ASTN2: variants seen among roughly 807,000 people sequenced by gnomAD.
ASTN2 encodes astrotactin 2, also known as astrotactin-2.
In ASTN2, 54 loss-of-function variants were observed where a neutral mutation model predicts 139.8. The observed-to-expected ratio is 0.39, with a 90% CI of 0.31 to 0.48. ASTN2 has a LOEUF of 0.48. ASTN2 is among the 20% of genes least tolerant of loss of function. ASTN2 has a pLI of 0.95. For missense variants in ASTN2, 1,565 were observed against 1,725.1 expected (o/e 0.91, Z 1.64); for synonymous variants, 756 against 719.5 (o/e 1.05, Z -0.81).
intron 5 of ASTN2, among the ~76,000 whole-genome samples, chr9:117,058,374 G>A (rs1266775681): frequency 6.6e-6 from 1 of 152,144 alleles, no homozygotes; most frequent in Non-Finnish European, 1.5e-5. Context: ...TAAAAATAAT[G>A]ACAGCTACCA....
intron 11 of ASTN2, among the ~76,000 whole-genome samples, chr9:116,853,860 C>T (rs1383215441): frequency 6.6e-6 from 1 of 152,166 alleles, no homozygotes; most frequent in African/African-American, 2.4e-5. Context: ...GCTCAAAACA[C>T]AGAAGGTGGC....
rs369834104 is a variant in ASTN2, at chr9:117,414,621, G to T, written c.318C>A (p.Gly106=). Residue 106 remains glycine, a synonymous_variant, in exon 1 of 23, where the codon GGC becomes GGA. Transcript: ENST00000313400. This position sits in a 1 kb window ranked among gnomAD's most constrained non-coding sequence, Gnocchi z 4.2. Reference sequence around the variant, plus strand: ...CGGCGGTGCCGGCAGAGCCAGGAGAGCCCGGGGACGCGGCGGCGGCGGCGG... The same window carrying T: ...CGGCGGTGCCGGCAGAGCCAGGAGATCCCGGGGACGCGGCGGCGGCGGCGG... The part of the protein sequence containing the change: ...AGAAAAAASP[G]SPGSAGTAAE... 1.2e-4 allele frequency: 174 copies of T among 1,478,530 alleles called. No homozygotes were observed. Among genetic ancestry groups the T allele is most frequent in the Non-Finnish European group, 1.5e-4 (168 of 1,121,422 alleles). 91.6% of individuals were successfully genotyped at this position (1,478,530 alleles called of 1,614,324 possible).
At chr9:117,211,634 C>A (rs1378482596) in intron 3 of ASTN2, among the ~76,000 whole-genome samples, 1 of 152,060 alleles carries the variant, frequency 6.6e-6, no homozygotes, top group Admixed American at 6.6e-5. Context: ...TTATAAATTA[C>A]CCAGTCTCAG....
At chr9:117,220,266 C>G (rs998246665) in intron 2 of ASTN2, among the ~76,000 whole-genome samples, 2 of 151,970 alleles carry the variant, frequency 1.3e-5, no homozygotes, top group South Asian at 4.2e-4. Context: ...TACACAAAAC[C>G]CCTCATGACT....
chr9:116,915,767 C>T (rs1834428912), intron 10 of ASTN2, among the ~76,000 whole-genome samples: 1 of 152,182 alleles, frequency 6.6e-6, no homozygotes, highest in South Asian at 2.1e-4. Context: ...ACGCTATGTA[C>T]TTCTTCATCT....
At chr9:117,297,603 A>G (rs186537325) in intron 1 of ASTN2, among the ~76,000 whole-genome samples, 1 of 152,310 alleles carries the variant, frequency 6.6e-6, no homozygotes, top group Non-Finnish European at 1.5e-5. Flanking sequence ...GTTAAGGCAA[A>G]CTAATGATGA....
At chr9:116,949,419 C>CCT (rs34972559) in intron 10 of ASTN2, among the ~76,000 whole-genome samples, 3 of 151,154 alleles carry the variant, frequency 2.0e-5, no homozygotes, top group East Asian at 2.0e-4. Context: ...GAAGTACTGA[C>CCT]CTCTCTCTCT....
In ASTN2 at chr9:117,148,980, G is replaced by T. The variant is rs140711178; in HGVS notation, c.1016-7502C>A. Among the ~76,000 whole-genome samples the T allele has an allele frequency of 4.3e-3, 658 of 151,758 alleles. 3 individuals are homozygous for T. The highest frequency in any genetic ancestry group is 0.015 in the African/African-American group (614 of 41,410). ...AACTTGCCAGCCTCCACAATGACAT[G>T]AACCAGTTTCTTTCTTTTTTTTTTA... is the stretch of plus-strand genomic sequence containing the variant. On this transcript the variant is annotated intron_variant, in intron 3 of 22. Transcript: ENST00000313400.
rs77701919 is a variant in ASTN2, at chr9:117,278,150, G to A, written c.630+13176C>T. On this transcript the variant is annotated intron_variant, in intron 2 of 22. Coordinates refer to ENST00000313400, the MANE Select transcript of ASTN2 (RefSeq NM_001365068.1). ...AAACAAAAGCAGGACAAGGTCCTCC[G>A]TCACAGGCGGAATCATTGAATTAAT... Among the ~76,000 whole-genome samples the A allele has an allele frequency of 6.6e-3, 1,011 of 152,294 alleles. 9 individuals carry two copies. The highest frequency in any genetic ancestry group is 0.02 in the African/African-American group (819 of 41,560).
At position 117,398,342 on chromosome 9, in the gene ASTN2, G is replaced by T. The variant is rs146512791; in HGVS notation, c.442+16155C>A. Among the ~76,000 whole-genome samples the T allele has an allele frequency of 5.7e-4, 86 of 152,202 alleles. 1 individual carries two copies. Among genetic ancestry groups the T allele is most frequent in the African/African-American group, 2.0e-3 (84 of 41,534 alleles). ...CATGGAGAATGGAGGCCGATGCTGT[G>T]GTTTGGACATAGTGCCATCCTTCTA... On this transcript the variant is annotated intron_variant, in intron 1 of 22. Transcript: ENST00000313400.
chr9:117,141,227 C>T (rs10817999), intron 4 of ASTN2, 99 bp downstream of exon 4: 664,715 of 1,219,444 alleles, frequency 0.55, 183,746 homozygotes, highest in East Asian at 0.67. Context: ...GTTTTATGAG[C>T]ACAGGGAAGC....
intron 3 of ASTN2, among the ~76,000 whole-genome samples, chr9:117,168,265 A>G (rs995051595): frequency 6.6e-6 from 1 of 152,156 alleles, no homozygotes; most frequent in Non-Finnish European, 1.5e-5. Context: ...GAAAATTATG[A>G]GTGTGTGAAT....
At chr9:116,728,335 G>A (rs1159021099) in intron 15 of ASTN2, among the ~76,000 whole-genome samples, 2 of 151,896 alleles carry the variant, frequency 1.3e-5, no homozygotes, top group Non-Finnish European at 2.9e-5. Flanking sequence ...TGTTTTGAGG[G>A]GAATGGAGAA....
At chr9:117,297,607 A>G (rs887609729) in intron 1 of ASTN2, among the ~76,000 whole-genome samples, 2 of 152,224 alleles carry the variant, frequency 1.3e-5, no homozygotes, top group African/African-American at 4.8e-5. Flanking sequence ...AGGCAAACTA[A>G]TGATGAGCAA....
intron 3 of ASTN2, among the ~76,000 whole-genome samples, chr9:117,192,053 G>T (rs1831363208): frequency 6.6e-6 from 1 of 151,970 alleles, no homozygotes; most frequent in Non-Finnish European, 1.5e-5. Context: ...TGACAGCTTT[G>T]GTGACATTCC....
intron 13 of ASTN2, among the ~76,000 whole-genome samples, chr9:116,804,775 G>A (rs954488806): frequency 5.9e-5 from 9 of 152,168 alleles, no homozygotes; most frequent in Admixed American, 3.9e-4. Context: ...GATTAGGAGA[G>A]CCTTGCTTTG....
chr9:116,649,275 C>T (rs961232640), intron 17 of ASTN2, among the ~76,000 whole-genome samples: 1 of 151,162 alleles, frequency 6.6e-6, no homozygotes, highest in African/African-American at 2.4e-5. Flanking sequence ...GGTGTTGTGC[C>T]ATATAAAATC....
chr9:116,436,699 GA>G (rs1847660855), intron 22 of ASTN2, among the ~76,000 whole-genome samples: 1 of 151,542 alleles, frequency 6.6e-6, no homozygotes, highest in South Asian at 2.1e-4. Flanking sequence ...GATTTATTTA[GA>G]AAAAAAGGGT....
At chr9:117,325,237 C>T (rs1401525783) in intron 1 of ASTN2, among the ~76,000 whole-genome samples, 1 of 152,134 alleles carries the variant, frequency 6.6e-6, no homozygotes, top group Non-Finnish European at 1.5e-5. Context: ...CAGATTCTGG[C>T]CTCCCCTTCC....
Sources: gnomAD v4.1 joint callset for allele counts (sites outside exome capture counted in the v4.1 genomes callset) on GRCh38, gnomAD v4.1.1 for gene constraint, Gnocchi (gnomAD v3.1) non-coding constraint, MANE v1.5 for transcripts, NCBI Gene and HGNC (gene_info 2026-07-23, HGNC 2026-07-21) for gene names.